DACH2: variants seen among roughly 807,000 people sequenced by gnomAD.
The protein encoded by DACH2 is dachshund family transcription factor 2, also known as dachshund homolog 2.
Under a neutral mutation model 35.8 loss-of-function variants are expected in DACH2, and 17 were observed. The observed-to-expected ratio is 0.48, with a 90% confidence interval of 0.33 to 0.71. The LOEUF (loss-of-function observed/expected upper bound fraction) is 0.71. DACH2 is among the 30% of genes least tolerant of loss of function. The probability of loss-of-function intolerance (pLI) is 0.02; values close to 1 mark genes in which losing one functional copy is unlikely to be tolerated. For missense variants in DACH2, 469 were observed against 472.7 expected, an observed-to-expected ratio of 0.99 and a Z score of 0.07; for synonymous variants, 195 against 177.3, an observed-to-expected ratio of 1.10 and a Z score of -0.79.
At chrX:86,221,345 C>T (rs888378609) in intron 1 of DACH2, among the ~76,000 whole-genome samples, 1 of 111,714 alleles carries the variant, frequency 9.0e-6, no homozygotes, top group East Asian at 2.8e-4. Flanking sequence ...ATTCTTAAAA[C>T]TCTTATTGAA....
intron 1 of DACH2, among the ~76,000 whole-genome samples, chrX:86,263,382 T>G (rs889982295): frequency 1.8e-4 from 20 of 111,747 alleles, no homozygotes; most frequent in African/African-American, 6.2e-4. Flanking sequence ...TATTTAGATT[T>G]ATTTAGATTA....
intron 11 of DACH2, among the ~76,000 whole-genome samples, chrX:86,826,915 C>A (rs2042567578): frequency 8.9e-6 from 1 of 111,968 alleles, no homozygotes; most frequent in Admixed American, 9.5e-5. Context: ...ACTAATTAAG[C>A]AACATAAAGA....
chrX:86,570,487 A>T (rs1405758457), intron 3 of DACH2, among the ~76,000 whole-genome samples: 1 of 111,540 alleles, frequency 9.0e-6, no homozygotes, highest in Non-Finnish European at 1.9e-5. Flanking sequence ...CTAATGCAGG[A>T]ACGGAAAACG....
chrX:86,673,335 CAAAA>C lies in DACH2; in HGVS notation c.773-21665_773-21662del, dbSNP rs56877612. Among the ~76,000 whole-genome samples, 11 of 43,194 alleles carry C rather than the reference CAAAA, an allele frequency of 2.5e-4. No individual in the cohort carries two copies. The East Asian group carries it at 5.5e-3, about 22-fold the overall frequency. The allele number at this position is 43,194 out of a possible 115,157, so 37.5% of individuals were successfully genotyped here. ...CTGGGGACAGAGCGAGACTCCGTCT[CAAAA>C]AAAAAAAAAAAAAAAAAAAAGAAGA... On this transcript the variant is annotated intron_variant, in intron 4 of 11. Transcript: ENST00000373125.
intron 1 of DACH2, among the ~76,000 whole-genome samples, chrX:86,212,391 A>G (rs2032464753): frequency 9.0e-6 from 1 of 111,501 alleles, no homozygotes; most frequent in African/African-American, 3.2e-5. Context: ...AGAAATTTTT[A>G]TGAATCATGA....
chrX:86,792,981 A>G (rs761619464), intron 7 of DACH2, among the ~76,000 whole-genome samples: 1 of 111,664 alleles, frequency 9.0e-6, no homozygotes, highest in Admixed American at 9.6e-5. Context: ...ACTAATTTAC[A>G]TTCCTACCAA....
At chrX:86,302,146 T>C (rs180744462) in intron 1 of DACH2, among the ~76,000 whole-genome samples, 414 of 111,544 alleles carry the variant, frequency 3.7e-3, no homozygotes, top group Non-Finnish European at 6.1e-3. Context: ...TTTATTATTT[T>C]ATTTCATTTT....
At chrX:86,737,661 C>T (rs1048435552) in intron 6 of DACH2, among the ~76,000 whole-genome samples, 1 of 111,759 alleles carries the variant, frequency 8.9e-6, no homozygotes, top group Non-Finnish European at 1.9e-5. Context: ...ACATGAGGTT[C>T]ACTAGGCTAA....
chrX:86,409,300 T>A (rs1399163971), intron 2 of DACH2, among the ~76,000 whole-genome samples: 2 of 111,539 alleles, frequency 1.8e-5, no homozygotes, highest in Admixed American at 9.6e-5. Flanking sequence ...GTAAAGCACA[T>A]GGAGTAGTAA....
chrX:86,160,906 G>T, intron 1 of DACH2: 2 of 643,354 alleles, frequency 3.1e-6, no homozygotes. Context: ...ACATCCTGGA[G>T]AGGCAGGCGC....
chrX:86,397,148 AG>A (rs2036312397), intron 2 of DACH2, among the ~76,000 whole-genome samples: 1 of 110,339 alleles, frequency 9.1e-6, no homozygotes, highest in African/African-American at 3.3e-5. Flanking sequence ...TTCTCTTTGA[AG>A]CAATTGTGAA....
chrX:86,157,075 C>A (rs1182340246), intron 1 of DACH2, among the ~76,000 whole-genome samples: 1 of 111,168 alleles, frequency 9.0e-6, no homozygotes, highest in East Asian at 2.8e-4. Flanking sequence ...TTTGACCCAT[C>A]ACAATTACTT....
intron 6 of DACH2, among the ~76,000 whole-genome samples, chrX:86,722,889 C>G (rs755706278): frequency 1.4e-3 from 160 of 111,319 alleles, no homozygotes; most frequent in African/African-American, 4.8e-3. Context: ...TCCTCCTCAA[C>G]TTTTTGTAAC....
At chrX:86,611,983 GT>G (rs1287738298) in intron 3 of DACH2, among the ~76,000 whole-genome samples, 33 of 109,347 alleles carry the variant, frequency 3.0e-4, no homozygotes, top group Non-Finnish European at 5.9e-4. Context: ...GTGTGTGTGT[GT>G]GGGTAGGGGG....
chrX:86,349,749 C>A (rs1485646592), intron 1 of DACH2, among the ~76,000 whole-genome samples: 1 of 112,271 alleles, frequency 8.9e-6, no homozygotes, highest in Non-Finnish European at 1.9e-5. Context: ...GAATGGGAAG[C>A]TGCATTTTAC....
chrX:86,418,482 C>T (rs757603292), intron 2 of DACH2, among the ~76,000 whole-genome samples: 2 of 112,190 alleles, frequency 1.8e-5, no homozygotes, highest in Non-Finnish European at 3.8e-5. Context: ...CACTTGCAGG[C>T]TCAACATGAC....
chrX:86,358,302 G>A (rs1441138276), intron 1 of DACH2, among the ~76,000 whole-genome samples: 1 of 111,455 alleles, frequency 9.0e-6, no homozygotes, highest in East Asian at 2.8e-4. Flanking sequence ...CTGAGTATAT[G>A]TAAGTGTTTC....
intron 2 of DACH2, among the ~76,000 whole-genome samples, chrX:86,491,121 A>G (rs913775474): frequency 8.9e-5 from 10 of 111,972 alleles, no homozygotes; most frequent in Admixed American, 5.7e-4. Context: ...TGCACTCAGT[A>G]AAGAGAAATC....
intron 1 of DACH2, among the ~76,000 whole-genome samples, chrX:86,355,296 T>C (rs1310089959): frequency 8.9e-6 from 1 of 111,997 alleles, no homozygotes; most frequent in Non-Finnish European, 1.9e-5. Context: ...ATCTTTGCTA[T>C]TGTGAATAGT....
Sources: allele counts gnomAD v4.1 joint callset (sites outside exome capture counted in the v4.1 genomes callset), GRCh38; gene constraint gnomAD v4.1.1; transcripts MANE v1.5; gene names NCBI Gene and HGNC (gene_info 2026-07-23, HGNC 2026-07-21).